Variants in TBCD observed in about 807,000 individuals in gnomAD.
The protein encoded by TBCD is tubulin folding cofactor D, also known as tubulin-specific chaperone D.
A neutral mutation model predicts 169.3 loss-of-function variants in TBCD; 105 were observed. That is an observed-to-expected ratio of 0.62 (90% CI 0.53 to 0.73). The LOEUF is 0.73. Among genes scored for constraint, TBCD ranks in the 30% least tolerant of loss-of-function variants. The pLI, the probability that TBCD is intolerant of heterozygous loss-of-function variation, is 0.00. For missense variants in TBCD, 1,444 were observed against 1,600.1 expected (o/e 0.90, Z 1.66); for synonymous variants, 700 against 643.9 (o/e 1.09, Z -1.32).
rs59331670 is a variant in TBCD at position 82,917,019 on chromosome 17, C to CTTTTTTTT, written c.2039-3533_2039-3532insTTTTTTTT. Among the ~76,000 whole-genome samples the CTTTTTTTT allele has an allele frequency of 2.5e-3, 273 of 108,478 alleles. 6 individuals are homozygous for CTTTTTTTT. Among genetic ancestry groups the CTTTTTTTT allele is most frequent in the Middle Eastern group, 6.7e-3 (1 of 150 alleles). 71.2% of individuals were successfully genotyped at this position (108,478 alleles called of 152,430 possible). A position where few individuals can be genotyped will look rare whatever the true frequency, so the allele number is the denominator to read the frequency against. ...CAGTTTGGACTTTTTTTTTTCTTTT[C>CTTTTTTTT]TTTTCTTTTTTTTTTTTTTGAGTTG... is the stretch of plus-strand genomic sequence containing the variant. On this transcript the variant is annotated intron_variant, in intron 23 of 38. Transcript: ENST00000355528.
rs1382183013 is a variant in TBCD at position 82,911,795 on chromosome 17, T to C, written c.2038+6T>C. On this transcript the variant is annotated splice_donor_region_variant and intron_variant, in intron 23 of 38. Coordinates refer to ENST00000355528, the MANE Select transcript of TBCD (RefSeq NM_005993.5). ...ACAGCTCATGAGACAAGCAGGTAAG[T>C]CTGAAGGCCTTTGCAGCCCTCTGCA... 6.2e-7 allele frequency: 1 copy of C among 1,613,804 alleles called. No homozygotes were observed. The highest frequency in any genetic ancestry group is 1.7e-5 in the Admixed American group (1 of 59,994).
At chr17:82,790,349 C>T (rs11870773) in intron 7 of TBCD, among the ~76,000 whole-genome samples, 5,084 of 152,232 alleles carry the variant, frequency 0.033, 143 homozygotes, top group African/African-American at 0.079. Flanking sequence ...CTGTGGCCTG[C>T]GTAAAGGGTG....
chr17:82,779,962 G>A (rs1162618287), intron 6 of TBCD, among the ~76,000 whole-genome samples: 1 of 152,130 alleles, frequency 6.6e-6, no homozygotes, highest in East Asian at 1.9e-4. Flanking sequence ...GGAGCGCCTG[G>A]TGCCTCCCTC....
intron 13 of TBCD, chr17:82,860,420 G>C: frequency 1.0e-6 from 1 of 985,530 alleles, no homozygotes; most frequent in Non-Finnish European, 1.2e-6. Flanking sequence ...CGGACAGCGA[G>C]GGGGACAGAC....
Position 82,920,490 on chromosome 17 carries a change from A to G in TBCD, c.2039-66A>G, listed in dbSNP as rs2061351941. 3.6e-6 allele frequency: 5 copies of G among 1,402,622 alleles called. No homozygotes were observed. The highest frequency in any genetic ancestry group is 4.5e-4 in the Middle Eastern group (2 of 4,408). 86.9% of individuals were successfully genotyped at this position (1,402,622 alleles called of 1,614,324 possible). A position where few individuals can be genotyped will look rare whatever the true frequency, so the allele number is the denominator to read the frequency against. Reference sequence around the variant, plus strand: ...ACACAACTCAGAATGTGGCAAAGGCAAGCCGCTGTGGCAGGCGCTTTTAGA... The same window carrying G: ...ACACAACTCAGAATGTGGCAAAGGCGAGCCGCTGTGGCAGGCGCTTTTAGA... On this transcript the variant is annotated intron_variant, in intron 23 of 38. Coordinates refer to ENST00000355528, the MANE Select transcript of TBCD (RefSeq NM_005993.5). This position sits in a 1 kb window ranked among gnomAD's most constrained non-coding sequence, Gnocchi z 4.1.
rs376523852 is a variant in TBCD at position 82,898,610 on chromosome 17, G to C, written c.1650-2041G>C. On this transcript the variant is annotated intron_variant, in intron 17 of 38. Transcript: ENST00000355528. ...CTGGTTTATTTTAGGGAAGCCTCCTGTTGGTAAGATCAGTTGCGGTTGTTT... is the reference window on the plus strand; with the variant it reads ...CTGGTTTATTTTAGGGAAGCCTCCTCTTGGTAAGATCAGTTGCGGTTGTTT... Among the ~76,000 whole-genome samples, 29 of 140,504 alleles carry C rather than the reference G, an allele frequency of 2.1e-4. 1 individual carries two copies. The East Asian group carries it at 4.1e-3, about 20-fold the overall frequency. 92.2% of individuals were successfully genotyped at this position (140,504 alleles called of 152,430 possible).
intron 7 of TBCD, among the ~76,000 whole-genome samples, chr17:82,794,417 T>G (rs2049961735): frequency 6.6e-6 from 1 of 152,252 alleles, no homozygotes; most frequent in Admixed American, 6.5e-5. Context: ...TCATTCCTCA[T>G]TTACCATGCA....
chr17:82,834,387 T>G (rs1240004489), intron 13 of TBCD, among the ~76,000 whole-genome samples: 1 of 152,106 alleles, frequency 6.6e-6, no homozygotes, highest in Admixed American at 6.5e-5. Flanking sequence ...GCACTTTAAT[T>G]CGTATTAAAA....
intron 16 of TBCD, among the ~76,000 whole-genome samples, chr17:82,892,632 G>T (rs922884450): frequency 6.6e-6 from 1 of 152,136 alleles, no homozygotes; most frequent in African/African-American, 2.4e-5. Flanking sequence ...AGGTTTTAAT[G>T]GTCAAGTGCA....
intron 37 of TBCD, 133 bp from the exon 38 acceptor site, chr17:82,941,266 G>A: frequency 1.4e-6 from 1 of 702,736 alleles, no homozygotes; most frequent in Non-Finnish European, 2.3e-6. Flanking sequence ...TCTGCCCTCA[G>A]CCTGGCTATG....
chr17:82,774,492 C>G (rs188601754), intron 6 of TBCD, among the ~76,000 whole-genome samples: 1 of 152,192 alleles, frequency 6.6e-6, no homozygotes, highest in Non-Finnish European at 1.5e-5. Flanking sequence ...CTTTCTTTTC[C>G]CCACATTTCC....
chr17:82,767,802 A>G (rs765097176), intron 4 of TBCD, among the ~76,000 whole-genome samples: 3 of 152,116 alleles, frequency 2.0e-5, no homozygotes, highest in Non-Finnish European at 4.4e-5. Flanking sequence ...AAAAAATACA[A>G]AAATTAGCCT....
chr17:82,879,065 T>C (rs2058170999), intron 14 of TBCD, among the ~76,000 whole-genome samples: 1 of 150,930 alleles, frequency 6.6e-6, no homozygotes, highest in Non-Finnish European at 1.5e-5. Context: ...TGTTCTTTTT[T>C]TTTTTTTTTT....
intron 15 of TBCD, among the ~76,000 whole-genome samples, chr17:82,887,199 A>C (rs576083371): frequency 3.8e-4 from 52 of 138,318 alleles, no homozygotes; most frequent in African/African-American, 1.3e-3. Context: ...TCACGCGTTT[A>C]CTTCTGTGTG....
At position 82,909,581 on chromosome 17, in the gene TBCD, C is replaced by T. The variant is rs559976952; in HGVS notation, c.2006+274C>T. On this transcript the variant is annotated intron_variant, in intron 22 of 38. Transcript: ENST00000355528. ...TTGAGCGGGTGGGTGTCACCCGGCC[C>T]GCTGTGGGAGGCGCATGAGGGTCTG... Among the ~76,000 whole-genome samples the T allele has an allele frequency of 2.5e-4, 36 of 145,478 alleles. 1 individual carries two copies. Among genetic ancestry groups the T allele is most frequent in the African/African-American group, 5.8e-4 (23 of 39,364 alleles).
chr17:82,768,337 A>C lies in TBCD; in HGVS notation c.436-83A>C. 3 of 1,532,716 alleles carry C rather than the reference A, an allele frequency of 2.0e-6. No homozygotes were observed. The Admixed American group carries it at 5.2e-5, about 26-fold the overall frequency. 94.9% of individuals were successfully genotyped at this position (1,532,716 alleles called of 1,614,324 possible). On this transcript the variant is annotated intron_variant, in intron 4 of 38. Coordinates refer to ENST00000355528, the MANE Select transcript of TBCD (RefSeq NM_005993.5). ...TTTCATAGGCATTGGGTGGGCATGGAGGGCAGTGACTTTGAGTAGATTGTG... is the reference window on the plus strand; with the variant it reads ...TTTCATAGGCATTGGGTGGGCATGGCGGGCAGTGACTTTGAGTAGATTGTG...
chr17:82,866,553 C>A (rs1021155611), intron 13 of TBCD, among the ~76,000 whole-genome samples: 1 of 152,222 alleles, frequency 6.6e-6, no homozygotes, highest in African/African-American at 2.4e-5. Context: ...ACGTCTCTTG[C>A]GGGTGTCATG....
intron 14 of TBCD, among the ~76,000 whole-genome samples, chr17:82,872,307 C>T (rs1290926047): frequency 6.6e-6 from 1 of 152,168 alleles, no homozygotes; most frequent in Non-Finnish European, 1.5e-5. Context: ...TTACCTGAGG[C>T]CAGGGAGGTC....
intron 12 of TBCD, among the ~76,000 whole-genome samples, chr17:82,811,635 G>A (rs1355073569): frequency 2.6e-5 from 4 of 152,014 alleles, no homozygotes; most frequent in African/African-American, 9.7e-5. Flanking sequence ...ATTGTCAACC[G>A]TGGCATAAAA....
Sources: gnomAD v4.1 joint callset for allele counts (sites outside exome capture counted in the v4.1 genomes callset) on GRCh38, gnomAD v4.1.1 for gene constraint, Gnocchi (gnomAD v3.1) non-coding constraint, MANE v1.5 for transcripts, NCBI Gene and HGNC (gene_info 2026-07-23, HGNC 2026-07-21) for gene names.